The following SET variants were observed in gnomAD, a reference collection of about 807,000 sequenced individuals.
The protein encoded by SET is protein SET.
Under a neutral mutation model 39.0 loss-of-function variants are expected in SET, and 4 were observed. The observed-to-expected ratio is 0.10, with a 90% CI of 0.05 to 0.23. The LOEUF (loss-of-function observed/expected upper bound fraction) is 0.23. Among genes scored for constraint, SET ranks in the 10% least tolerant of loss-of-function variants. The probability of loss-of-function intolerance (pLI) is 1.00; values close to 1 mark genes in which losing one functional copy is unlikely to be tolerated. For missense variants in SET, 137 were observed against 329.7 expected (o/e 0.42, Z 4.53); for synonymous variants, 114 against 115.9 (o/e 0.98, Z 0.11).
upstream of SET, among the ~76,000 whole-genome samples, chr9:128,687,960 T>G (rs1861346069): frequency 6.6e-6 from 1 of 151,928 alleles, no homozygotes; most frequent in African/African-American, 2.4e-5. Context: ...CTCCCGCCTG[T>G]AATCCCAGCA....
chr9:128,695,593 G>A lies in SET; in HGVS notation c.*929G>A, dbSNP rs1212213729. 4.9e-5 allele frequency: 11 copies of A among 224,182 alleles called. No homozygotes were observed. In the East Asian group the frequency reaches 6.9e-4, roughly 14 times the overall value. 13.9% of individuals were successfully genotyped at this position (224,182 alleles called of 1,614,324 possible). ...TACTATGACCTTCCAAGTTTGACTTGTATAACATCACTGTCAAACTTTGTC... is the reference window on the plus strand; with the variant it reads ...TACTATGACCTTCCAAGTTTGACTTATATAACATCACTGTCAAACTTTGTC... On this transcript the variant is annotated 3_prime_UTR_variant, in exon 8 of 8. Transcript: ENST00000322030.
intron 7 of SET, among the ~76,000 whole-genome samples, 164 bp downstream of exon 7, chr9:128,694,206 A>G (rs1181067915): frequency 6.6e-6 from 1 of 152,118 alleles, no homozygotes; most frequent in East Asian, 1.9e-4. Flanking sequence ...TTTGATAAGC[A>G]CATGGTACTA....
chr9:128,693,103 C>T lies in SET; in HGVS notation c.492+122C>T, dbSNP rs953533844. On this transcript the variant is annotated intron_variant, in intron 5 of 7. Transcript: ENST00000322030. ...AAATACAAAACCTTAAAATATAAAACGTTCCAGTGTGCTGAAGCCAAGTAT... is the reference window on the plus strand; with the variant it reads ...AAATACAAAACCTTAAAATATAAAATGTTCCAGTGTGCTGAAGCCAAGTAT... The T allele has an allele frequency of 8.8e-6, 6 of 679,728 alleles. 1 individual carries two copies. Among genetic ancestry groups the T allele is most frequent in the South Asian group, 1.9e-5 (1 of 51,518 alleles). The allele number at this position is 679,728 out of a possible 1,614,324, so 42.1% of individuals were successfully genotyped here. A position where few individuals can be genotyped will look rare whatever the true frequency, so the allele number is the denominator to read the frequency against.
chr9:128,684,185 G>A (rs759450288), intron 1 of SET, among the ~76,000 whole-genome samples: 8 of 152,048 alleles, frequency 5.3e-5, no homozygotes, highest in Non-Finnish European at 8.8e-5. Context: ...CTGGGAGAAC[G>A]GGAGTGCACG....
At chr9:128,688,634 C>G (rs1291455388), upstream of SET, among the ~76,000 whole-genome samples, 2 of 152,200 alleles carry the variant, frequency 1.3e-5, no homozygotes, top group East Asian at 3.9e-4. Context: ...GGAAGGGTGA[C>G]TTGCTCAAGG....
At chr9:128,687,711 G>A (rs896633306), upstream of SET, among the ~76,000 whole-genome samples, 1 of 151,788 alleles carries the variant, frequency 6.6e-6, no homozygotes, top group South Asian at 2.1e-4. Context: ...TGTCCAAAGA[G>A]AGATTTCAGG....
exon 1 of SET, chr9:128,683,806 G>T: frequency 8.6e-7 from 1 of 1,162,300 alleles, no homozygotes; most frequent in Non-Finnish European, 1.2e-6. Context: ...GCAGATTTAA[G>T]CCGCTGGCAC....
chr9:128,685,808 G>A (rs905710610), upstream of SET, among the ~76,000 whole-genome samples: 4 of 152,194 alleles, frequency 2.6e-5, no homozygotes, highest in Admixed American at 2.6e-4. Flanking sequence ...GAGGTGGGCA[G>A]ATCACCTGAG....
chr9:128,687,124 G>A (rs193228765), upstream of SET, among the ~76,000 whole-genome samples: 518 of 152,200 alleles, frequency 3.4e-3, 1 homozygote, highest in South Asian at 5.4e-3. Context: ...TTGGGAGGCC[G>A]AGGTGGGCAG....
intron 1 of SET, chr9:128,690,011 C>A (rs1294477484): frequency 1.9e-6 from 2 of 1,049,248 alleles, no homozygotes; most frequent in Non-Finnish European, 2.3e-6. Context: ...CCATCAGCCG[C>A]CGCCGCCGCC....
At chr9:128,687,583 G>C (rs1861328402), upstream of SET, among the ~76,000 whole-genome samples, 1 of 144,364 alleles carries the variant, frequency 6.9e-6, no homozygotes, top group Non-Finnish European at 1.5e-5. Context: ...ACTCCAGCCT[G>C]GAAGACAGAA....
intron 1 of SET, chr9:128,689,964 G>C: frequency 4.5e-6 from 3 of 673,138 alleles, no homozygotes; most frequent in Non-Finnish European, 5.5e-6. Context: ...CTCCCGAGAA[G>C]CCTCTCTTTA....
At chr9:128,690,199 T>C (rs1174419369) in intron 1 of SET, 1 of 153,912 alleles carries the variant, frequency 6.5e-6, no homozygotes, top group Non-Finnish European at 1.4e-5. Context: ...CGCTGGGCCT[T>C]GGCCGGCCGG....
intron 5 of SET, 102 bp from the exon 6 acceptor site, chr9:128,693,536 T>C (rs41304846): frequency 0.022 from 26,939 of 1,236,338 alleles, 377 homozygotes; most frequent in Non-Finnish European, 0.027. Context: ...TATACTGATA[T>C]TTGTTTTGCT....
At chr9:128,687,099 T>C (rs1483191403), upstream of SET, among the ~76,000 whole-genome samples, 1 of 152,228 alleles carries the variant, frequency 6.6e-6, no homozygotes, top group Non-Finnish European at 1.5e-5. Context: ...GGCTCATGCC[T>C]GTAGTCCCAG....
At chr9:128,687,509 G>A (rs753656944), upstream of SET, among the ~76,000 whole-genome samples, 2 of 151,686 alleles carry the variant, frequency 1.3e-5, no homozygotes, top group Non-Finnish European at 2.9e-5. Context: ...TCAGGATGCT[G>A]AGGCAGGAGA....
intron 1 of SET, 40 bp downstream of exon 1, chr9:128,689,695 C>A: frequency 1.6e-6 from 1 of 617,974 alleles, no homozygotes; most frequent in South Asian, 6.6e-5. Context: ...GCGCCGCCAT[C>A]TTCGCCGCCC....
Position 128,696,037 on chromosome 9 carries a change from T to C in SET, c.*1373T>C, listed in dbSNP as rs1387657430. 2.2e-5 allele frequency: 5 copies of C among 224,738 alleles called. No homozygotes were observed. The highest frequency in any genetic ancestry group is 4.5e-5 in the Non-Finnish European group (5 of 112,080). The allele number at this position is 224,738 out of a possible 1,614,324, so 13.9% of individuals were successfully genotyped here. On this transcript the variant is annotated 3_prime_UTR_variant, in exon 8 of 8. Transcript: ENST00000322030. Reference sequence around the variant, plus strand: ...CAGTAACTGTCCCTGCTTTCTGGTATAAAGCTCTCAAATGTGACCATGTGA... The same window carrying C: ...CAGTAACTGTCCCTGCTTTCTGGTACAAAGCTCTCAAATGTGACCATGTGA...
chr9:128,692,180 G>T (rs1861561532), intron 3 of SET, among the ~76,000 whole-genome samples, 180 bp downstream of exon 3: 1 of 151,816 alleles, frequency 6.6e-6, no homozygotes, highest in African/African-American at 2.4e-5. Context: ...TGAGGTCAGG[G>T]GTTCGAAACC....
Sources: gnomAD v4.1 joint callset for allele counts (sites outside exome capture counted in the v4.1 genomes callset) on GRCh38, gnomAD v4.1.1 for gene constraint, MANE v1.5 for transcripts, NCBI Gene and HGNC (gene_info 2026-07-23, HGNC 2026-07-21) for gene names.